The following YIPF1 variants were observed in gnomAD, a reference collection of about 807,000 sequenced individuals.
The protein encoded by YIPF1 is Yip1 domain family member 1, also known as protein YIPF1.
Under a neutral mutation model 37.0 loss-of-function variants are expected in YIPF1, and 22 were observed. The ratio of observed to expected loss-of-function variants is 0.59; its 90% CI spans 0.42 to 0.85. YIPF1 has a LOEUF of 0.85. Ranked by LOEUF, YIPF1 falls within the 40% of genes least tolerant of loss-of-function variation. The pLI, the probability that YIPF1 is intolerant of heterozygous loss-of-function variation, is 0.00. For synonymous variants in YIPF1, 128 were observed against 131.9 expected (o/e 0.97, Z 0.21); for missense variants, 355 against 373.1 (o/e 0.95, Z 0.40).
At chr1:53,865,654 CTGG>C (rs1278159378) in intron 9 of YIPF1, among the ~76,000 whole-genome samples, 8 of 152,182 alleles carry the variant, frequency 5.3e-5, no homozygotes, top group Non-Finnish European at 1.0e-4. Flanking sequence ...CCTATTTCCT[CTGG>C]TCAGACCCCA....
chr1:53,878,490 C>T lies in YIPF1; in HGVS notation c.277-88G>A, dbSNP rs1465272462. 2.7e-6 allele frequency: 4 copies of T among 1,503,100 alleles called. No individual in the cohort carries two copies. In the East Asian group the frequency reaches 9.0e-5, roughly 34 times the overall value. 93.1% of individuals were successfully genotyped at this position (1,503,100 alleles called of 1,614,324 possible). ...CAAAATTGAAACTCAGTCATTAGAG[C>T]TTTTATGATAGTATTTTCAAATGCT... is the stretch of plus-strand genomic sequence containing the variant. On this transcript the variant is annotated intron_variant, in intron 5 of 10. Coordinates refer to ENST00000072644, the MANE Select transcript of YIPF1 (RefSeq NM_018982.5).
intron 4 of YIPF1, among the ~76,000 whole-genome samples, chr1:53,881,423 T>C (rs1025621279): frequency 6.6e-6 from 1 of 151,998 alleles, no homozygotes; most frequent in Non-Finnish European, 1.5e-5. Flanking sequence ...ATCTTCAGAG[T>C]GAACAGACAA....
Position 53,878,417 on chromosome 1 carries a change from A to G in YIPF1, c.277-15T>C, listed in dbSNP as rs368035991. On this transcript the variant is annotated splice_polypyrimidine_tract_variant and intron_variant, in intron 5 of 10. Transcript: ENST00000072644. ...CTGTCAAAGACCTGGAAAACATCAT[A>G]GCAGTAATTCTACTGAAGTTTTTTA... 18 of 1,611,676 alleles carry G rather than the reference A, an allele frequency of 1.1e-5. No individual in the cohort carries two copies. Among genetic ancestry groups the G allele is most frequent in the Non-Finnish European group, 1.4e-5 (17 of 1,179,250 alleles).
intron 3 of YIPF1, 122 bp from the exon 4 acceptor site, chr1:53,883,398 G>T: frequency 1.8e-6 from 2 of 1,141,242 alleles, no homozygotes; most frequent in Non-Finnish European, 2.3e-6. Context: ...TGATACAAAG[G>T]GCAAAAGCTT....
chr1:53,859,455 G>A (rs1649807841), intron 10 of YIPF1, among the ~76,000 whole-genome samples: 1 of 152,156 alleles, frequency 6.6e-6, no homozygotes, highest in Admixed American at 6.5e-5. Context: ...CCTGAGGTCA[G>A]GAGTTCAAGA....
At chr1:53,860,250 C>T in intron 9 of YIPF1, 97 bp from the exon 10 acceptor site, 2 of 1,101,580 alleles carry the variant, frequency 1.8e-6, no homozygotes, top group Non-Finnish European at 2.7e-6. Context: ...TGGACTCTCA[C>T]AGCCCCTAAG....
intron 4 of YIPF1, among the ~76,000 whole-genome samples, chr1:53,880,148 A>G (rs144374679): frequency 1.8e-4 from 27 of 152,246 alleles, no homozygotes; most frequent in African/African-American, 5.8e-4. Flanking sequence ...ATGTTTCTAT[A>G]TCTAAAAAAC....
intron 9 of YIPF1, among the ~76,000 whole-genome samples, chr1:53,861,670 A>AAGGAAGGAAGGGAGGGGGGAAGGG (rs1649881628): frequency 7.4e-6 from 1 of 135,236 alleles, no homozygotes; most frequent in Non-Finnish European, 1.6e-5. Flanking sequence ...GGGGGGAAGG[A>AAGGAAGGAAGGGAGGGGGGAAGGG]AGGAAGGAAG....
At chr1:53,875,262 G>A (rs1352993058) in intron 6 of YIPF1, among the ~76,000 whole-genome samples, 2 of 152,116 alleles carry the variant, frequency 1.3e-5, no homozygotes, top group African/African-American at 2.4e-5. Flanking sequence ...TGCCTGTAAG[G>A]TCAGCACTTT....
At chr1:53,875,709 G>A (rs1416479121) in intron 6 of YIPF1, among the ~76,000 whole-genome samples, 2 of 152,126 alleles carry the variant, frequency 1.3e-5, no homozygotes, top group Non-Finnish European at 2.9e-5. Flanking sequence ...TTCTTTGAAT[G>A]TACTAGGCTA....
intron 3 of YIPF1, among the ~76,000 whole-genome samples, chr1:53,886,298 G>A (rs775090048): frequency 6.6e-5 from 10 of 151,882 alleles, no homozygotes; most frequent in Non-Finnish European, 1.3e-4. Flanking sequence ...TGTGGGCTGC[G>A]TGTACCCCTA....
At chr1:53,859,827 A>G (rs1210585678) in intron 10 of YIPF1, among the ~76,000 whole-genome samples, 1 of 152,216 alleles carries the variant, frequency 6.6e-6, no homozygotes, top group Non-Finnish European at 1.5e-5. Flanking sequence ...AGAACCTAAG[A>G]GCTCATGTTA....
chr1:53,862,279 C>T (rs757566627), intron 9 of YIPF1, among the ~76,000 whole-genome samples: 3 of 152,188 alleles, frequency 2.0e-5, no homozygotes, highest in South Asian at 2.1e-4. Flanking sequence ...TCAATCCAGT[C>T]GAGTCCATCT....
intron 3 of YIPF1, among the ~76,000 whole-genome samples, chr1:53,887,976 C>T (rs914382670): frequency 5.3e-5 from 8 of 152,114 alleles, no homozygotes; most frequent in African/African-American, 1.9e-4. Flanking sequence ...GCCTGTAATC[C>T]CAGCACTTTG....
intron 10 of YIPF1, among the ~76,000 whole-genome samples, chr1:53,857,474 C>T (rs993098173): frequency 7.2e-5 from 11 of 152,168 alleles, no homozygotes; most frequent in Non-Finnish European, 1.5e-4. Flanking sequence ...AGAACCTGCA[C>T]GTTTTAGTGG....
At chr1:53,865,121 A>G (rs1649983690) in intron 9 of YIPF1, among the ~76,000 whole-genome samples, 1 of 152,224 alleles carries the variant, frequency 6.6e-6, no homozygotes, top group African/African-American at 2.4e-5. Context: ...CCACTTTCCC[A>G]TATCTGACTT....
chr1:53,889,034 T>C lies in YIPF1; in HGVS notation c.-49-48A>G, dbSNP rs1287391994. On this transcript the variant is annotated intron_variant, in intron 2 of 10. Transcript: ENST00000072644. ...CATAATAGGATGACAGTATAAAGTA[T>C]CTGCAAACAACTCTTATGTATTAGA... The C allele has an allele frequency of 2.8e-6, 3 of 1,053,308 alleles. No individual in the cohort carries two copies. The Admixed American group carries it at 5.2e-5, about 18-fold the overall frequency. The allele number at this position is 1,053,308 out of a possible 1,614,324, so 65.2% of individuals were successfully genotyped here.
chr1:53,875,350 A>G (rs1021582491), intron 6 of YIPF1, among the ~76,000 whole-genome samples: 1 of 152,136 alleles, frequency 6.6e-6, no homozygotes, highest in African/African-American at 2.4e-5. Flanking sequence ...CCCTGTCTCT[A>G]CAAAAAATAC....
intron 4 of YIPF1, among the ~76,000 whole-genome samples, chr1:53,881,910 T>A (rs7553929): frequency 0.62 from 93,624 of 152,050 alleles, 29,451 homozygotes; most frequent in East Asian, 0.86. Flanking sequence ...ACATGCACAT[T>A]TATGTTCACT....
Sources: gnomAD v4.1 joint callset for allele counts (sites outside exome capture counted in the v4.1 genomes callset) on GRCh38, gnomAD v4.1.1 for gene constraint, MANE v1.5 for transcripts, NCBI Gene and HGNC (gene_info 2026-07-23, HGNC 2026-07-21) for gene names.